The following ALKBH4 variants were observed in gnomAD, a reference collection of about 807,000 sequenced individuals.
ALKBH4 encodes the protein alpha-ketoglutarate-dependent dioxygenase alkB homolog 4.
A neutral mutation model predicts 12.1 loss-of-function variants in ALKBH4; 8 were observed. The ratio of observed to expected loss-of-function variants is 0.66; its 90% confidence interval spans 0.39 to 1.19. The LOEUF (loss-of-function observed/expected upper bound fraction) is 1.19. ALKBH4 is among the 50% of genes most tolerant of loss of function. The pLI is 0.01. For missense variants in ALKBH4, 403 were observed against 430.4 expected, an observed-to-expected ratio of 0.94 and a Z score of 0.56; for synonymous variants, 195 against 191.6, an observed-to-expected ratio of 1.02 and a Z score of -0.15.
At chr7:102,464,422 C>T (rs1043637249) in intron 1 of ALKBH4, among the ~76,000 whole-genome samples, 2 of 152,182 alleles carry the variant, frequency 1.3e-5, no homozygotes, top group African/African-American at 4.8e-5. Context: ...CGTGTCATCT[C>T]CCTGCAGGCC....
chr7:102,457,539 G>A lies in ALKBH4; in HGVS notation c.764C>T (p.Ala255Val). ...GGCCTCGATGTGTCTGCGGTGGATG[G>A]CATGCTTCCACTGGTGCCGTGCCGC... ...TGAARHQWKH[A>V]IHRRHIEARR... Residue 255 changes from alanine to valine, a missense_variant, in exon 3 of 3, where the codon GCC becomes GTC. Ala to Val is a moderately conservative substitution (Grantham distance 64). Coordinates refer to ENST00000292566, the MANE Select transcript of ALKBH4 (RefSeq NM_017621.4). The surrounding 1 kb of genome is among the most constrained non-coding windows in gnomAD (Gnocchi z 5.9). 1.2e-6 allele frequency: 2 copies of A among 1,612,214 alleles called. No individual in the cohort carries two copies. The highest frequency in any genetic ancestry group is 1.7e-6 in the Non-Finnish European group (2 of 1,179,916).
At chr7:102,461,479 A>G (rs1401248253) in intron 1 of ALKBH4, among the ~76,000 whole-genome samples, 4 of 151,684 alleles carry the variant, frequency 2.6e-5, no homozygotes, top group Admixed American at 2.6e-4. Context: ...TCCTGCCTCA[A>G]CCTCCCGAGT....
Position 102,457,870 on chromosome 7 carries a change from GC to G in ALKBH4, c.432del (p.Leu145TrpfsTer74). ...TGCTCGACGGGCCGGAAGCCCTCCA[GC>G]CCCGGGTAGAGGCCCATCCTCCGCA... ...EVVRRMGLYP[G>X]LEGFRPVEQC... On this transcript the variant is annotated frameshift_variant, in exon 3 of 3. Transcript: ENST00000292566. LOFTEE classifies it low-confidence loss of function (END_TRUNC). The surrounding 1 kb of genome is among the most constrained non-coding windows in gnomAD (Gnocchi z 5.9). The G allele has an allele frequency of 6.2e-7, 1 of 1,612,378 alleles. No homozygotes were observed. The highest frequency in any genetic ancestry group is 8.5e-7 in the Non-Finnish European group (1 of 1,180,000).
At chr7:102,464,505 G>A (rs1797889677) in intron 1 of ALKBH4, among the ~76,000 whole-genome samples, 1 of 152,040 alleles carries the variant, frequency 6.6e-6, no homozygotes, top group Non-Finnish European at 1.5e-5. Context: ...AGTCCCCGAG[G>A]TGACCTGTAA....
At chr7:102,458,028 G>T in intron 2 of ALKBH4, 47 bp from the exon 3 acceptor site, 1 of 1,526,322 alleles carries the variant, frequency 6.6e-7, no homozygotes, top group South Asian at 1.2e-5. Flanking sequence ...AGTTTACGAA[G>T]ATGTCTACCA....
At chr7:102,461,063 A>G (rs4989124) in intron 1 of ALKBH4, among the ~76,000 whole-genome samples, 107,962 of 152,018 alleles carry the variant, frequency 0.71, 38,730 homozygotes, top group East Asian at 0.82. Flanking sequence ...CAGGCCAGGC[A>G]CGGTGGCTCA....
chr7:102,457,269 T>A lies in ALKBH4; in HGVS notation c.*125A>T, dbSNP rs1374571665. On this transcript the variant is annotated 3_prime_UTR_variant, in exon 3 of 3. Coordinates refer to ENST00000292566, the MANE Select transcript of ALKBH4 (RefSeq NM_017621.4). The surrounding 1 kb of genome is among the most constrained non-coding windows in gnomAD (Gnocchi z 5.9). ...ATCAAAACCTGCTCCTGGGCAGGGC[T>A]CACACTGCTCACAGCATCAGGGGTC... is the stretch of plus-strand genomic sequence containing the variant. 1.7e-6 allele frequency: 2 copies of A among 1,147,142 alleles called. No individual in the cohort carries two copies. The highest frequency in any genetic ancestry group is 4.5e-5 in the Admixed American group (2 of 44,176). The allele number at this position is 1,147,142 out of a possible 1,614,324, so 71.1% of individuals were successfully genotyped here. A position where few individuals can be genotyped will look rare whatever the true frequency, so the allele number is the denominator to read the frequency against.
chr7:102,461,166 G>A (rs1352922851), intron 1 of ALKBH4, among the ~76,000 whole-genome samples: 2 of 151,856 alleles, frequency 1.3e-5, no homozygotes, highest in Non-Finnish European at 2.9e-5. Context: ...GCAAAACCCC[G>A]TCTCTATTAA....
chr7:102,457,268 C>G lies in ALKBH4; in HGVS notation c.*126G>C, dbSNP rs763330444. Reference sequence around the variant, plus strand: ...CATCAAAACCTGCTCCTGGGCAGGGCTCACACTGCTCACAGCATCAGGGGT... The same window carrying G: ...CATCAAAACCTGCTCCTGGGCAGGGGTCACACTGCTCACAGCATCAGGGGT... On this transcript the variant is annotated 3_prime_UTR_variant, in exon 3 of 3. Coordinates refer to ENST00000292566, the MANE Select transcript of ALKBH4 (RefSeq NM_017621.4). This position sits in a 1 kb window ranked among gnomAD's most constrained non-coding sequence, Gnocchi z 5.9. The G allele has an allele frequency of 1.4e-5, 16 of 1,134,266 alleles. No homozygotes were observed. The highest frequency in any genetic ancestry group is 2.0e-5 in the Non-Finnish European group (16 of 795,006). The allele number at this position is 1,134,266 out of a possible 1,614,324, so 70.3% of individuals were successfully genotyped here.
At position 102,459,646 on chromosome 7, in the gene ALKBH4, G is replaced by A. The variant is rs1797746195; in HGVS notation, c.279C>T (p.Asp93=). ...EEEAELVRLM[D]RDPWKLSQSG... is the part of the protein sequence containing the mutation. ...ACTGGGAGAGCTTCCAGGGGTCACG[G>A]TCCATGAGCCGCACCAACTCGGCTT... Residue 93 remains aspartate (D), a synonymous_variant, in exon 2 of 3, where the codon GAC becomes GAT. Transcript: ENST00000292566. 2 of 1,614,050 alleles carry A rather than the reference G, an allele frequency of 1.2e-6. No individual in the cohort carries two copies. The highest frequency in any genetic ancestry group is 2.7e-5 in the African/African-American group (2 of 74,930).
chr7:102,464,454 C>T (rs1176078829), intron 1 of ALKBH4, among the ~76,000 whole-genome samples: 4 of 152,188 alleles, frequency 2.6e-5, no homozygotes, highest in African/African-American at 2.4e-5. Context: ...CAGCGCCAGA[C>T]CCGAGAGGCT....
At chr7:102,459,266 G>A (rs1359133651) in intron 2 of ALKBH4, 5 of 229,264 alleles carry the variant, frequency 2.2e-5, no homozygotes, top group Admixed American at 5.4e-5. Flanking sequence ...GTGGGAATGC[G>A]TGTGAGGAGA....
At chr7:102,459,855 T>C in intron 1 of ALKBH4, 54 bp from the exon 2 acceptor site, 5 of 1,507,628 alleles carry the variant, frequency 3.3e-6, no homozygotes, top group Non-Finnish European at 4.4e-6. Flanking sequence ...ACCCGGTCCC[T>C]ACGAAAAGTT....
chr7:102,459,504 G>T (rs1797743422), intron 2 of ALKBH4, 100 bp downstream of exon 2: 3 of 1,428,742 alleles, frequency 2.1e-6, no homozygotes, highest in Non-Finnish European at 1.9e-6. Flanking sequence ...CAACCCTGGA[G>T]GTTTGAGGGG....
At chr7:102,464,629 C>CG (rs1797894514) in intron 1 of ALKBH4, 85 bp downstream of exon 1, 1 of 1,436,436 alleles carries the variant, frequency 7.0e-7, no homozygotes, top group East Asian at 2.8e-5. Context: ...GCTTCGATCC[C>CG]GGCCCCTATC....
Position 102,464,804 on chromosome 7 carries a change from G to C in ALKBH4, c.33C>G (p.Val11=). The change falls in exon 1 of 3, where the codon GTC becomes GTG. Residue 11 remains valine (V), a synonymous_variant. Coordinates refer to ENST00000292566, the MANE Select transcript of ALKBH4 (RefSeq NM_017621.4). The stretch of plus-strand genomic sequence containing the variant: ...TGCCCTTGCAACCGCATTCCCGAAG[G>C]ACTTCGGGGGTCTCGGCGGCAGCCG... The part of the protein sequence containing the change: MAAAAAETPE[V]LRECGCKGIR... 2 of 1,555,530 alleles carry C rather than the reference G, an allele frequency of 1.3e-6. No individual in the cohort carries two copies. The highest frequency in any genetic ancestry group is 1.7e-6 in the Non-Finnish European group (2 of 1,156,118).
Position 102,457,897 on chromosome 7 carries a change from C to A in ALKBH4, c.406G>T (p.Val136Leu). ...CGLPSFSREV[V>L]RRMGLYPGLE... ...CCCGGGTAGAGGCCCATCCTCCGCACCACCTCCCGGCTGAAGCTGGGGAGG... is the reference window on the plus strand; with the variant it reads ...CCCGGGTAGAGGCCCATCCTCCGCAACACCTCCCGGCTGAAGCTGGGGAGG... Residue 136 changes from valine to leucine, a missense_variant, in exon 3 of 3, where the codon GTG (valine) becomes TTG (leucine). Physicochemically the swap from Val to Leu is conservative, Grantham distance 32. Transcript: ENST00000292566. The surrounding 1 kb of genome is among the most constrained non-coding windows in gnomAD (Gnocchi z 5.9). 1 of 1,613,336 alleles carries A rather than the reference C, an allele frequency of 6.2e-7. No homozygotes were observed. The highest frequency in any genetic ancestry group is 8.5e-7 in the Non-Finnish European group (1 of 1,180,020).
Position 102,464,828 on chromosome 7 carries a change from C to G in ALKBH4, c.9G>C (p.Ala3=), listed in dbSNP as rs775296529. The G allele has an allele frequency of 1.5e-4, 222 of 1,518,288 alleles. No individual in the cohort carries two copies. The South Asian group carries it at 2.5e-3, about 17-fold the overall frequency. The allele number at this position is 1,518,288 out of a possible 1,614,324, so 94.1% of individuals were successfully genotyped here. ...GGACTTCGGGGGTCTCGGCGGCAGCCGCCGCCATCGCGCCGTCCGCGTGGC... is the reference window on the plus strand; with the variant it reads ...GGACTTCGGGGGTCTCGGCGGCAGCGGCCGCCATCGCGCCGTCCGCGTGGC... MA[A]AAAETPEVLR... Residue 3 remains alanine (A), a synonymous_variant, in exon 1 of 3, where the codon GCG becomes GCC. Transcript: ENST00000292566.
At chr7:102,463,060 C>A (rs1797831898) in intron 1 of ALKBH4, among the ~76,000 whole-genome samples, 1 of 149,802 alleles carries the variant, frequency 6.7e-6, no homozygotes, top group African/African-American at 2.5e-5. Context: ...CAGGCTCAAG[C>A]AACCCTCCCA....
Sources: gnomAD v4.1 joint callset for allele counts (sites outside exome capture counted in the v4.1 genomes callset) on GRCh38, gnomAD v4.1.1 for gene constraint, Gnocchi (gnomAD v3.1) non-coding constraint, MANE v1.5 for transcripts, NCBI Gene and HGNC (gene_info 2026-07-23, HGNC 2026-07-21) for gene names.